The following PAFAH1B2 variants were observed in gnomAD, a reference collection of about 807,000 sequenced individuals.
The protein encoded by PAFAH1B2 is platelet activating factor acetylhydrolase 1b catalytic subunit 2.
Under a neutral mutation model 28.0 loss-of-function variants are expected in PAFAH1B2, and 8 were observed. The observed-to-expected ratio is 0.29, with a 90% CI of 0.17 to 0.52. PAFAH1B2 has a LOEUF of 0.52. Among genes scored for constraint, PAFAH1B2 ranks in the 20% least tolerant of loss-of-function variants. The probability of loss-of-function intolerance (pLI) is 0.97; values close to 1 mark genes in which losing one functional copy is unlikely to be tolerated. For synonymous variants in PAFAH1B2, 104 were observed against 103.2 expected (o/e 1.01, Z -0.05); for missense variants, 190 against 282.6 (o/e 0.67, Z 2.35).
Position 117,170,904 on chromosome 11 carries a change from TC to T in PAFAH1B2, c.*3207del. ...AGGGGTCCCCCAGGTTTCTTGGTGT[TC>T]CTGCTTGGGGATCACTGCTGCTAGC... On this transcript the variant is annotated 3_prime_UTR_variant, in exon 6 of 6. Coordinates refer to ENST00000527958, the MANE Select transcript of PAFAH1B2 (RefSeq NM_002572.4). 9.4e-7 allele frequency: 1 copy of T among 1,060,158 alleles called. No homozygotes were observed. The highest frequency in any genetic ancestry group is 1.1e-6 in the Non-Finnish European group (1 of 875,992). 65.7% of individuals were successfully genotyped at this position (1,060,158 alleles called of 1,614,324 possible).
At chr11:117,144,657 T>C (rs976708763) in intron 1 of PAFAH1B2, among the ~76,000 whole-genome samples, 4 of 151,972 alleles carry the variant, frequency 2.6e-5, no homozygotes, top group Non-Finnish European at 5.9e-5. Flanking sequence ...TTTCCCGATA[T>C]TCCATACCGA....
downstream of PAFAH1B2, chr11:117,175,597 G>C: frequency 8.4e-7 from 1 of 1,183,530 alleles, no homozygotes; most frequent in Non-Finnish European, 1.0e-6. Flanking sequence ...AATAGTGATA[G>C]TCCACAGTTG....
Position 117,170,844 on chromosome 11 carries a change from T to G in PAFAH1B2, c.*3145T>G, listed in dbSNP as rs1956635845. The G allele has an allele frequency of 9.4e-7, 1 of 1,059,608 alleles. No individual in the cohort carries two copies. Among genetic ancestry groups the G allele is most frequent in the Admixed American group, 5.4e-5 (1 of 18,498 alleles). The allele number at this position is 1,059,608 out of a possible 1,614,324, so 65.6% of individuals were successfully genotyped here. On this transcript the variant is annotated 3_prime_UTR_variant, in exon 6 of 6. Coordinates refer to ENST00000527958, the MANE Select transcript of PAFAH1B2 (RefSeq NM_002572.4). ...TCCGTGTGGGTGCATGTGGGAGAAGTGAGTTAGGGCCTCTTGAAAGGAGGC... is the reference window on the plus strand; with the variant it reads ...TCCGTGTGGGTGCATGTGGGAGAAGGGAGTTAGGGCCTCTTGAAAGGAGGC...
At chr11:117,145,862 G>T (rs911097147) in intron 1 of PAFAH1B2, among the ~76,000 whole-genome samples, 2 of 152,190 alleles carry the variant, frequency 1.3e-5, no homozygotes, top group Non-Finnish European at 2.9e-5. Flanking sequence ...ACGCTTTGTT[G>T]TTGGACGTGG....
chr11:117,175,957 G>C (rs1451104152), downstream of PAFAH1B2: 2 of 1,529,698 alleles, frequency 1.3e-6, no homozygotes, highest in Non-Finnish European at 1.8e-6. Context: ...AGTCCAGATG[G>C]ACTGAGGAAA....
chr11:117,156,463 T>TA (rs1285435505), intron 2 of PAFAH1B2, among the ~76,000 whole-genome samples: 1 of 152,060 alleles, frequency 6.6e-6, no homozygotes, highest in East Asian at 1.9e-4. Flanking sequence ...GCCCCAGACA[T>TA]ATAGTGCCAG....
At chr11:117,145,625 A>G (rs1241093703) in intron 1 of PAFAH1B2, among the ~76,000 whole-genome samples, 1 of 152,156 alleles carries the variant, frequency 6.6e-6, no homozygotes, top group Non-Finnish European at 1.5e-5. Context: ...ATCATAAATT[A>G]TGGAGGTGCT....
chr11:117,162,827 AC>A (rs1255183252), intron 4 of PAFAH1B2, among the ~76,000 whole-genome samples: 6 of 151,802 alleles, frequency 4.0e-5, no homozygotes, highest in Non-Finnish European at 5.9e-5. Flanking sequence ...CCTTGAGTGT[AC>A]CTGTGTATTT....
At position 117,168,827 on chromosome 11, in the gene PAFAH1B2, G is replaced by A; in HGVS notation, c.*1128G>A. ...GTTTTGTTTGAGATGGAGTTTCACT[G>A]TTGCCCAGGCTGGGGTGCAATGGTG... On this transcript the variant is annotated 3_prime_UTR_variant, in exon 6 of 6. Transcript: ENST00000527958. 1 of 827,448 alleles carries A rather than the reference G, an allele frequency of 1.2e-6. No individual in the cohort carries two copies. The highest frequency in any genetic ancestry group is 5.5e-4 in the Middle Eastern group (1 of 1,834). 51.3% of individuals were successfully genotyped at this position (827,448 alleles called of 1,614,324 possible).
In PAFAH1B2 at chr11:117,168,339, A is replaced by AT. The variant is rs1426266561; in HGVS notation, c.*646dup. ...GTAGAGGGATTCTTTGGAGGGTATT[A>AT]TTTTTTATGCTGCTGAATATCATGT... On this transcript the variant is annotated 3_prime_UTR_variant, in exon 6 of 6. Transcript: ENST00000527958. 1 of 1,052,556 alleles carries AT rather than the reference A, an allele frequency of 9.5e-7. No individual in the cohort carries two copies. The highest frequency in any genetic ancestry group is 5.2e-5 in the East Asian group (1 of 19,124). The allele number at this position is 1,052,556 out of a possible 1,614,324, so 65.2% of individuals were successfully genotyped here. A position where few individuals can be genotyped will look rare whatever the true frequency, so the allele number is the denominator to read the frequency against.
chr11:117,151,760 G>A (rs560946536), intron 1 of PAFAH1B2, among the ~76,000 whole-genome samples: 79 of 152,102 alleles, frequency 5.2e-4, no homozygotes, highest in South Asian at 4.8e-3. Flanking sequence ...GAGTGCATTG[G>A]CACAGTCTCG....
downstream of PAFAH1B2, chr11:117,175,884 C>G: frequency 6.5e-7 from 1 of 1,534,766 alleles, no homozygotes; most frequent in Non-Finnish European, 8.7e-7. Flanking sequence ...CAATGTATCA[C>G]GAGTGTTTCT....
intron 5 of PAFAH1B2, among the ~76,000 whole-genome samples, chr11:117,166,114 A>G (rs1956503736): frequency 6.6e-6 from 1 of 152,116 alleles, no homozygotes; most frequent in African/African-American, 2.4e-5. Context: ...AAGTGCTGGG[A>G]TTACAGGCGT....
At chr11:117,151,831 C>T (rs1458278376) in intron 1 of PAFAH1B2, among the ~76,000 whole-genome samples, 3 of 152,044 alleles carry the variant, frequency 2.0e-5, no homozygotes, top group South Asian at 2.1e-4. Flanking sequence ...CTCAGCCTCC[C>T]AAGTAGCTGG....
rs746125678 is a variant in PAFAH1B2, at chr11:117,149,430, G to GTTTTTTTTTTTTTTTTTTTTT, written c.-7-2997_-7-2996insTTTTTTTTTTTTTTTTTTTTT. Among the ~76,000 whole-genome samples the GTTTTTTTTTTTTTTTTTTTTT allele has an allele frequency of 1.4e-3, 118 of 86,064 alleles. 29 individuals are homozygous for GTTTTTTTTTTTTTTTTTTTTT. Among genetic ancestry groups the GTTTTTTTTTTTTTTTTTTTTT allele is most frequent in the African/African-American group, 1.5e-3 (32 of 21,576 alleles). 56.5% of individuals were successfully genotyped at this position (86,064 alleles called of 152,430 possible). A position where few individuals can be genotyped will look rare whatever the true frequency, so the allele number is the denominator to read the frequency against. ...TTAATTTAAAAAAAGTTTTCTAATC[G>GTTTTTTTTTTTTTTTTTTTTT]TTTTTTTTTTTTTTGAGATGGAGTC... On this transcript the variant is annotated intron_variant, in intron 1 of 5. Transcript: ENST00000527958.
At chr11:117,158,860 G>A (rs1214034845) in intron 2 of PAFAH1B2, among the ~76,000 whole-genome samples, 1 of 152,080 alleles carries the variant, frequency 6.6e-6, no homozygotes, top group Non-Finnish European at 1.5e-5. Flanking sequence ...GGCTGGGCTG[G>A]TCTCGAACTC....
chr11:117,164,563 A>G (rs912024678), intron 5 of PAFAH1B2, among the ~76,000 whole-genome samples: 1 of 152,232 alleles, frequency 6.6e-6, no homozygotes, highest in Admixed American at 6.5e-5. Flanking sequence ...TTTACTGCTA[A>G]TATGTTAAAG....
intron 4 of PAFAH1B2, among the ~76,000 whole-genome samples, chr11:117,163,523 AT>A (rs1956424319): frequency 6.6e-6 from 1 of 152,136 alleles, no homozygotes; most frequent in African/African-American, 2.4e-5. Context: ...AAATACAAAA[AT>A]TAGCTGGGCG....
At position 117,144,364 on chromosome 11, in the gene PAFAH1B2, C is replaced by G. The variant is rs1352049541; in HGVS notation, c.-62C>G. 2.4e-6 allele frequency: 1 copy of G among 418,904 alleles called. No individual in the cohort carries two copies. The highest frequency in any genetic ancestry group is 4.9e-6 in the Non-Finnish European group (1 of 205,738). The allele number at this position is 418,904 out of a possible 1,614,324, so 25.9% of individuals were successfully genotyped here. ...CCGACGGGACCGAGCGAGCGACCGA[C>G]GCGCCACCCGCCGACGCCTCAGCCG... On this transcript the variant is annotated 5_prime_UTR_variant, in exon 1 of 6. Transcript: ENST00000527958.
Sources: gnomAD v4.1 joint callset for allele counts (sites outside exome capture counted in the v4.1 genomes callset) on GRCh38, gnomAD v4.1.1 for gene constraint, MANE v1.5 for transcripts, NCBI Gene and HGNC (gene_info 2026-07-23, HGNC 2026-07-21) for gene names.